Variants in CTNNA2 observed in about 807,000 individuals in gnomAD.
CTNNA2 encodes the protein catenin alpha-2.
In CTNNA2, 42 loss-of-function variants were observed where a neutral mutation model predicts 101.0. That is an observed-to-expected ratio of 0.42 (90% CI 0.32 to 0.54). CTNNA2 has a LOEUF of 0.54. Ranked by LOEUF, CTNNA2 falls within the 20% of genes least tolerant of loss-of-function variation. The probability of loss-of-function intolerance (pLI) is 0.14; values close to 1 mark genes in which losing one functional copy is unlikely to be tolerated. For synonymous variants in CTNNA2, 450 were observed against 456.4 expected, an observed-to-expected ratio of 0.99 and a Z score of 0.18; for missense variants, 871 against 1,223.1, an observed-to-expected ratio of 0.71 and a Z score of 4.29.
intron 7 of CTNNA2, among the ~76,000 whole-genome samples, chr2:80,332,403 C>T (rs1671417696): frequency 6.6e-6 from 1 of 152,040 alleles, no homozygotes; most frequent in Non-Finnish European, 1.5e-5. Flanking sequence ...GCTGTGTAGG[C>T]ATCAATCCTT....
chr2:80,623,923 A>G (rs1671404901), intron 18 of CTNNA2, among the ~76,000 whole-genome samples: 1 of 152,026 alleles, frequency 6.6e-6, no homozygotes, highest in African/African-American at 2.4e-5. Context: ...TAGTATAAGC[A>G]TATTCTCAAG....
At chr2:80,470,229 C>G (rs1191920889) in intron 9 of CTNNA2, among the ~76,000 whole-genome samples, 1 of 152,144 alleles carries the variant, frequency 6.6e-6, no homozygotes, top group East Asian at 1.9e-4. Context: ...TCTCTTGAGG[C>G]AGATTGAGCT....
intron 1 of CTNNA2, among the ~76,000 whole-genome samples, chr2:79,533,287 A>G (rs569470493): frequency 6.6e-6 from 1 of 152,212 alleles, no homozygotes; most frequent in East Asian, 1.9e-4. Context: ...TAAAGCAGGG[A>G]TAAGCTTTAT....
intron 9 of CTNNA2, among the ~76,000 whole-genome samples, chr2:80,512,649 T>C (rs1265436364): frequency 6.8e-6 from 1 of 146,978 alleles, no homozygotes; most frequent in African/African-American, 2.6e-5. Context: ...TTTTGGAAAA[T>C]ATATATGGCT....
At chr2:79,628,160 T>G (rs1679442110) in intron 1 of CTNNA2, among the ~76,000 whole-genome samples, 1 of 152,074 alleles carries the variant, frequency 6.6e-6, no homozygotes, top group African/African-American at 2.4e-5. Context: ...ATTAAAAAAT[T>G]GGTGAGGTTG....
intron 2 of CTNNA2, among the ~76,000 whole-genome samples, chr2:79,217,703 T>C (rs957806747): frequency 2.0e-5 from 3 of 152,296 alleles, no homozygotes; most frequent in South Asian, 2.1e-4. Context: ...CTCAGAGGCC[T>C]GACAAAAGTA....
intron 1 of CTNNA2, among the ~76,000 whole-genome samples, chr2:79,625,657 G>A (rs1247667283): frequency 6.6e-6 from 1 of 152,154 alleles, no homozygotes; most frequent in Admixed American, 6.5e-5. Flanking sequence ...GGGGCCTGGA[G>A]AAGCAGCAAA....
intron 7 of CTNNA2, among the ~76,000 whole-genome samples, chr2:80,107,748 A>T (rs985961706): frequency 1.3e-4 from 20 of 152,164 alleles, no homozygotes; most frequent in African/African-American, 3.9e-4. Context: ...CTGTCCATGG[A>T]CGGCAGAGCT....
At chr2:80,006,352 A>T (rs1178902462) in intron 7 of CTNNA2, among the ~76,000 whole-genome samples, 1 of 117,462 alleles carries the variant, frequency 8.5e-6, no homozygotes, top group Non-Finnish European at 1.8e-5. Flanking sequence ...CCCTATGAGA[A>T]GTGCAGTAAA....
At chr2:80,050,123 C>T (rs150299747) in intron 7 of CTNNA2, among the ~76,000 whole-genome samples, 48 of 152,248 alleles carry the variant, frequency 3.2e-4, no homozygotes, top group African/African-American at 1.1e-3. Flanking sequence ...TACCTATTGA[C>T]AAGCCATTTG....
chr2:79,553,230 A>G (rs1218588289), intron 1 of CTNNA2, among the ~76,000 whole-genome samples: 3 of 152,126 alleles, frequency 2.0e-5, no homozygotes, highest in Non-Finnish European at 2.9e-5. Flanking sequence ...CTCTCCATTG[A>G]GACCTCATCA....
At chr2:79,808,722 G>A (rs776167867) in intron 3 of CTNNA2, among the ~76,000 whole-genome samples, 4 of 151,750 alleles carry the variant, frequency 2.6e-5, no homozygotes, top group Non-Finnish European at 5.9e-5. Context: ...TTTATTTTGA[G>A]CTAATTTTTA....
At chr2:80,167,258 T>C (rs1704760657) in intron 7 of CTNNA2, among the ~76,000 whole-genome samples, 2 of 152,202 alleles carry the variant, frequency 1.3e-5, no homozygotes, top group East Asian at 1.9e-4. Context: ...AAATATATTT[T>C]TCTTGTTATT....
chr2:80,290,565 C>T (rs1675148120), intron 7 of CTNNA2, among the ~76,000 whole-genome samples: 1 of 151,880 alleles, frequency 6.6e-6, no homozygotes, highest in Admixed American at 6.6e-5. Flanking sequence ...TTTTTTCATT[C>T]TCCCACTGCC....
intron 2 of CTNNA2, among the ~76,000 whole-genome samples, chr2:79,298,658 T>C (rs1676038102): frequency 6.6e-6 from 1 of 152,178 alleles, no homozygotes; most frequent in African/African-American, 2.4e-5. Flanking sequence ...ATAATCCCTC[T>C]TTTATACCCA....
chr2:80,404,669 G>A lies in CTNNA2; in HGVS notation c.1137+11378G>A, dbSNP rs572850272. Among the ~76,000 whole-genome samples the A allele has an allele frequency of 9.7e-4, 147 of 152,270 alleles. 2 individuals carry two copies. The highest frequency in any genetic ancestry group is 1.3e-3 in the Non-Finnish European group (88 of 68,002). ...CTATTGATTCAGAAATCGTGGGTTC[G>A]TAGGTTCTTAGGGGTGGAAGGGACA... On this transcript the variant is annotated intron_variant, in intron 8 of 18. Coordinates refer to ENST00000402739, the MANE Select transcript of CTNNA2 (RefSeq NM_001282597.3).
At chr2:79,544,212 A>G (rs1044218073) in intron 1 of CTNNA2, among the ~76,000 whole-genome samples, 6 of 152,226 alleles carry the variant, frequency 3.9e-5, no homozygotes, top group Admixed American at 1.3e-4. Context: ...TGCTGTGATT[A>G]CAGGCATGAG....
chr2:80,495,625 G>C (rs1285927239), intron 9 of CTNNA2, among the ~76,000 whole-genome samples: 1 of 152,124 alleles, frequency 6.6e-6, no homozygotes, highest in African/African-American at 2.4e-5. Context: ...AAGCAGTATG[G>C]CTGGTGTCCT....
At chr2:79,553,497 A>G (rs1400804358) in intron 1 of CTNNA2, among the ~76,000 whole-genome samples, 2 of 152,308 alleles carry the variant, frequency 1.3e-5, no homozygotes, top group South Asian at 2.1e-4. Flanking sequence ...GAGACTGGGT[A>G]ATTTATAAAG....
Sources: gnomAD v4.1 joint callset for allele counts (sites outside exome capture counted in the v4.1 genomes callset) on GRCh38, gnomAD v4.1.1 for gene constraint, MANE v1.5 for transcripts, NCBI Gene and HGNC (gene_info 2026-07-23, HGNC 2026-07-21) for gene names.